SYT16: variants seen among roughly 807,000 people sequenced by gnomAD.
SYT16 encodes synaptotagmin-16.
SYT16 carries 42 observed loss-of-function variants against 61.4 expected under a neutral mutation model. The ratio of observed to expected loss-of-function variants is 0.68; its 90% CI spans 0.53 to 0.89. SYT16 has a LOEUF of 0.89. Among genes scored for constraint, SYT16 ranks in the 40% least tolerant of loss-of-function variants. The pLI, the probability that SYT16 is intolerant of heterozygous loss-of-function variation, is 0.00. For missense variants in SYT16, 804 were observed against 807.3 expected (o/e 1.00, Z 0.05); for synonymous variants, 314 against 302.3 (o/e 1.04, Z -0.40).
intron 2 of SYT16, among the ~76,000 whole-genome samples, chr14:61,984,966 A>C (rs941921424): frequency 4.6e-5 from 7 of 152,170 alleles, no homozygotes; most frequent in African/African-American, 1.7e-4. Flanking sequence ...TAGACCTGAG[A>C]GACATCATGT....
At chr14:62,018,683 A>G (rs968822495) in intron 3 of SYT16, among the ~76,000 whole-genome samples, 1 of 151,922 alleles carries the variant, frequency 6.6e-6, no homozygotes, top group Non-Finnish European at 1.5e-5. Context: ...CCCAAACTCC[A>G]CATCTCCCCA....
intron 3 of SYT16, among the ~76,000 whole-genome samples, chr14:62,012,673 G>A (rs750456062): frequency 3.9e-5 from 6 of 152,142 alleles, no homozygotes; most frequent in Admixed American, 6.5e-5. Context: ...AAAGGTGGGA[G>A]CTACTTACAT....
intron 1 of SYT16, among the ~76,000 whole-genome samples, chr14:61,871,277 A>AT (rs1353527894): frequency 6.6e-6 from 1 of 151,980 alleles, no homozygotes; most frequent in Non-Finnish European, 1.5e-5. Flanking sequence ...AGCTCTAGGG[A>AT]TTTTTTGATT....
chr14:61,998,746 AGT>A (rs1289898986), intron 3 of SYT16, among the ~76,000 whole-genome samples: 1 of 151,986 alleles, frequency 6.6e-6, no homozygotes, highest in Non-Finnish European at 1.5e-5. Flanking sequence ...AATCTTAAAC[AGT>A]GTTAAATCTT....
intron 3 of SYT16, among the ~76,000 whole-genome samples, chr14:62,051,842 G>A (rs775395477): frequency 2.0e-5 from 3 of 152,094 alleles, no homozygotes; most frequent in Non-Finnish European, 4.4e-5. Flanking sequence ...GATCAGCCTG[G>A]GCAACCTGGT....
Position 62,105,074 on chromosome 14 carries a change from T to G in SYT16, c.*4367T>G, listed in dbSNP as rs2057490602. On this transcript the variant is annotated 3_prime_UTR_variant, in exon 8 of 8. Transcript: ENST00000683842. ...GGCTGGATTCGTAAATAAAGGAGGC[T>G]TCATCAGGACAGCCTAATCAGAGAT... The G allele has an allele frequency of 6.6e-6, 1 of 152,186 alleles. No individual in the cohort carries two copies. The highest frequency in any genetic ancestry group is 1.5e-5 in the Non-Finnish European group (1 of 68,026). The allele number at this position is 152,186 out of a possible 1,614,324, so 9.4% of individuals were successfully genotyped here. A position where few individuals can be genotyped will look rare whatever the true frequency, so the allele number is the denominator to read the frequency against.
intron 1 of SYT16, among the ~76,000 whole-genome samples, chr14:61,896,211 C>G (rs980529632): frequency 1.6e-4 from 25 of 152,086 alleles, no homozygotes; most frequent in African/African-American, 6.0e-4. Context: ...GGGCAAGAAC[C>G]CCCATACGTC....
chr14:62,048,678 C>G (rs1315882925), intron 3 of SYT16, among the ~76,000 whole-genome samples: 1 of 152,110 alleles, frequency 6.6e-6, no homozygotes, highest in Non-Finnish European at 1.5e-5. Context: ...TATGTCGTGT[C>G]TTTGTTCTTG....
At position 62,047,822 on chromosome 14, in the gene SYT16, A is replaced by T. The variant is rs185201655; in HGVS notation, c.524-21781A>T. On this transcript the variant is annotated intron_variant, in intron 3 of 7. Transcript: ENST00000683842. ...AACCAGCCTTGCATCCCAGAGATGA[A>T]GCTCACTTGATCATGGTGGATAAGC... is the stretch of plus-strand genomic sequence containing the variant. Among the ~76,000 whole-genome samples, 7 of 152,342 alleles carry T rather than the reference A, an allele frequency of 4.6e-5. No individual in the cohort carries two copies. In the East Asian group the frequency reaches 1.2e-3, roughly 25 times the overall value.
intron 1 of SYT16, among the ~76,000 whole-genome samples, chr14:61,892,181 T>C (rs1005648083): frequency 1.3e-5 from 2 of 152,088 alleles, no homozygotes; most frequent in African/African-American, 4.8e-5. Context: ...TCTCTCTCGC[T>C]TCTTCCTCGC....
intron 1 of SYT16, among the ~76,000 whole-genome samples, chr14:61,937,589 A>G (rs961830790): frequency 1.3e-5 from 2 of 152,184 alleles, no homozygotes; most frequent in Non-Finnish European, 2.9e-5. Flanking sequence ...TTCTTGATGT[A>G]CAGCCACTGT....
At chr14:61,868,930 A>AT (rs1361941624) in intron 1 of SYT16, among the ~76,000 whole-genome samples, 1 of 152,038 alleles carries the variant, frequency 6.6e-6, no homozygotes, top group Non-Finnish European at 1.5e-5. Context: ...TATCCTTCTA[A>AT]TTCCATCAGC....
chr14:61,867,613 A>G (rs1376810540), intron 1 of SYT16, among the ~76,000 whole-genome samples: 9 of 152,144 alleles, frequency 5.9e-5, no homozygotes, highest in Admixed American at 5.9e-4. Context: ...TTAAAACAAT[A>G]TTATTTACAA....
In SYT16 at chr14:62,109,019, A is replaced by C. The variant is rs1022564978; in HGVS notation, c.*8312A>C. The C allele has an allele frequency of 1.3e-5, 2 of 152,220 alleles. No individual in the cohort carries two copies. The highest frequency in any genetic ancestry group is 2.9e-5 in the Non-Finnish European group (2 of 68,038). The allele number at this position is 152,220 out of a possible 1,614,324, so 9.4% of individuals were successfully genotyped here. On this transcript the variant is annotated 3_prime_UTR_variant, in exon 8 of 8. Transcript: ENST00000683842. ...TATTTGTTACAACTGATGAACCTTC[A>C]TTGACATAACATTATCACCCAAAGT... is the stretch of plus-strand genomic sequence containing the variant.
At chr14:61,939,262 TC>T (rs1056827541) in intron 1 of SYT16, among the ~76,000 whole-genome samples, 2 of 152,086 alleles carry the variant, frequency 1.3e-5, no homozygotes, top group Non-Finnish European at 2.9e-5. Context: ...GGATGCATAA[TC>T]CCCCCAAAGC....
chr14:61,971,581 A>G (rs533882451), intron 2 of SYT16, among the ~76,000 whole-genome samples: 3 of 152,326 alleles, frequency 2.0e-5, no homozygotes, highest in Non-Finnish European at 2.9e-5. Flanking sequence ...AAGTCTTACA[A>G]TGTCACTTTT....
intron 2 of SYT16, among the ~76,000 whole-genome samples, chr14:61,986,809 G>A (rs2052336417): frequency 6.6e-6 from 1 of 152,186 alleles, no homozygotes. Flanking sequence ...AATGTTAACT[G>A]AAAGAAGCAG....
At position 61,996,280 on chromosome 14, in the gene SYT16, A is replaced by G. The variant is rs764486632; in HGVS notation, c.261A>G (p.Glu87=). The G allele has an allele frequency of 1.9e-6, 3 of 1,613,628 alleles. No individual in the cohort carries two copies. The highest frequency in any genetic ancestry group is 1.7e-6 in the Non-Finnish European group (2 of 1,179,654). Reference sequence around the variant, plus strand: ...AGGATGCAAATTCCTTGTTTCTTGAAGTGGATCATTTCTCATGTTGTAATA... The same window carrying G: ...AGGATGCAAATTCCTTGTTTCTTGAGGTGGATCATTTCTCATGTTGTAATA... ...SQEDANSLFL[E]VDHFSCCNSD... is the part of the protein sequence containing the mutation. The change falls in exon 3 of 8, where the codon GAA becomes GAG. Residue 87 remains glutamate, a synonymous_variant. Coordinates refer to ENST00000683842, the MANE Select transcript of SYT16 (RefSeq NM_001367656.1).
Position 62,075,215 on chromosome 14 carries a change from T to TC in SYT16, c.821dup (p.Cys275MetfsTer2). On this transcript the variant is annotated frameshift_variant, in exon 5 of 8. Coordinates refer to ENST00000683842, the MANE Select transcript of SYT16 (RefSeq NM_001367656.1). LOFTEE classifies it high-confidence loss of function. ...TGACCACATCCCTGCTCACTCACAG[T>TC]CCCCATGTGAAAGAGGGGATGCCAA... 2 of 1,613,564 alleles carry TC rather than the reference T, an allele frequency of 1.2e-6. No individual in the cohort carries two copies. The highest frequency in any genetic ancestry group is 1.7e-6 in the Non-Finnish European group (2 of 1,179,712).
Sources: allele counts gnomAD v4.1 joint callset (sites outside exome capture counted in the v4.1 genomes callset), GRCh38; gene constraint gnomAD v4.1.1; transcripts MANE v1.5; gene names NCBI Gene and HGNC (gene_info 2026-07-23, HGNC 2026-07-21).